NUBPL: variants seen among roughly 807,000 people sequenced by gnomAD.
NUBPL encodes iron-sulfur cluster transfer protein NUBPL.
NUBPL carries 31 observed loss-of-function variants against 45.7 expected under a neutral mutation model. The observed-to-expected ratio is 0.68, with a 90% CI of 0.51 to 0.92. NUBPL has a LOEUF of 0.92. Among genes scored for constraint, NUBPL ranks in the 40% least tolerant of loss-of-function variants. The pLI is 0.00. For missense variants in NUBPL, 401 were observed against 398.7 expected, an observed-to-expected ratio of 1.01 and a Z score of -0.05; for synonymous variants, 144 against 140.9, an observed-to-expected ratio of 1.02 and a Z score of -0.15.
intron 6 of NUBPL, among the ~76,000 whole-genome samples, chr14:31,782,580 C>T (rs1332326303): frequency 6.6e-6 from 1 of 152,154 alleles, no homozygotes; most frequent in Non-Finnish European, 1.5e-5. Context: ...CACCTGAGAT[C>T]AGGAGTTTGA....
chr14:31,571,490 C>T (rs1254400848), intron 3 of NUBPL, among the ~76,000 whole-genome samples: 6 of 151,716 alleles, frequency 4.0e-5, no homozygotes, highest in Non-Finnish European at 7.4e-5. Context: ...CACTCTGTTG[C>T]CCAGGCTGGA....
At chr14:31,684,221 A>G (rs1246468067) in intron 6 of NUBPL, among the ~76,000 whole-genome samples, 1 of 152,194 alleles carries the variant, frequency 6.6e-6, no homozygotes, top group African/African-American at 2.4e-5. Context: ...TTACCTCATC[A>G]TGGGGATTAA....
chr14:31,798,935 A>G (rs113829964), intron 7 of NUBPL, among the ~76,000 whole-genome samples: 1,639 of 151,636 alleles, frequency 0.011, 25 homozygotes, highest in African/African-American at 0.038. Flanking sequence ...ATCAAATAAG[A>G]TAATGAATGT....
intron 4 of NUBPL, among the ~76,000 whole-genome samples, chr14:31,629,662 A>G (rs2035292541): frequency 6.6e-6 from 1 of 152,218 alleles, no homozygotes; most frequent in Non-Finnish European, 1.5e-5. Context: ...AGATCAGAGA[A>G]TGACAAGACT....
intron 6 of NUBPL, among the ~76,000 whole-genome samples, chr14:31,722,847 A>G (rs1485525272): frequency 6.6e-6 from 1 of 152,146 alleles, no homozygotes; most frequent in African/African-American, 2.4e-5. Context: ...TCTTTGTCAC[A>G]TGCAGAGTTT....
chr14:31,826,586 T>G, intron 7 of NUBPL, 43 bp from the exon 8 acceptor site: 1 of 1,544,906 alleles, frequency 6.5e-7, no homozygotes, highest in Non-Finnish European at 9.0e-7. Context: ...AATTTCTCCA[T>G]AGAGAATTAA....
chr14:31,776,063 C>T (rs1411217383), intron 6 of NUBPL, among the ~76,000 whole-genome samples: 1 of 152,102 alleles, frequency 6.6e-6, no homozygotes, highest in Non-Finnish European at 1.5e-5. Flanking sequence ...TTTTCGTGTT[C>T]TAAGTAAATA....
chr14:31,677,768 C>T (rs1352363141), intron 6 of NUBPL, among the ~76,000 whole-genome samples: 2 of 152,234 alleles, frequency 1.3e-5, no homozygotes, highest in East Asian at 1.9e-4. Flanking sequence ...GAAGCCTGCA[C>T]AGCACTGGGT....
intron 6 of NUBPL, among the ~76,000 whole-genome samples, chr14:31,690,929 C>T (rs569189175): frequency 5.3e-5 from 8 of 152,170 alleles, no homozygotes; most frequent in Non-Finnish European, 1.0e-4. Flanking sequence ...TGACATTAGA[C>T]AACATGGCAT....
intron 6 of NUBPL, among the ~76,000 whole-genome samples, chr14:31,696,278 TTTG>T (rs2037213057): frequency 6.6e-6 from 1 of 152,224 alleles, no homozygotes; most frequent in Non-Finnish European, 1.5e-5. Context: ...TTCTGTCATC[TTTG>T]GAAGAGGAAG....
At chr14:31,671,773 G>A (rs552748848) in intron 4 of NUBPL, among the ~76,000 whole-genome samples, 2 of 152,260 alleles carry the variant, frequency 1.3e-5, no homozygotes, top group African/African-American at 4.8e-5. Context: ...GAAGGACCAC[G>A]GCTTTTTCTT....
intron 7 of NUBPL, among the ~76,000 whole-genome samples, chr14:31,810,499 G>C (rs12885816): frequency 0.41 from 61,727 of 151,758 alleles, 13,809 homozygotes; most frequent in East Asian, 0.61. Flanking sequence ...TTTATTTTGA[G>C]CCTATGTATG....
intron 6 of NUBPL, among the ~76,000 whole-genome samples, chr14:31,698,650 C>G (rs1001164549): frequency 1.3e-5 from 2 of 152,144 alleles, no homozygotes; most frequent in Non-Finnish European, 1.5e-5. Context: ...CGAAACCTGT[C>G]CTATAGATTC....
At chr14:31,774,147 T>C (rs2039058085) in intron 6 of NUBPL, among the ~76,000 whole-genome samples, 1 of 152,238 alleles carries the variant, frequency 6.6e-6, no homozygotes, top group Non-Finnish European at 1.5e-5. Context: ...TCTTCCCTGA[T>C]TCTGTGTGGC....
chr14:31,704,672 A>G (rs911346643), intron 6 of NUBPL, among the ~76,000 whole-genome samples: 4 of 152,116 alleles, frequency 2.6e-5, no homozygotes, highest in Non-Finnish European at 4.4e-5. Context: ...CTTAAAAAAA[A>G]AAAAGTGTAA....
chr14:31,564,335 T>A (rs2033378735), intron 2 of NUBPL, among the ~76,000 whole-genome samples: 1 of 152,126 alleles, frequency 6.6e-6, no homozygotes, highest in Non-Finnish European at 1.5e-5. Flanking sequence ...CAGCCTTTCA[T>A]ATACATGAGT....
chr14:31,769,781 AT>A (rs984620984), intron 6 of NUBPL, among the ~76,000 whole-genome samples: 4 of 150,810 alleles, frequency 2.7e-5, no homozygotes, highest in East Asian at 1.9e-4. Context: ...TAGTCATGGT[AT>A]TTTTTTTTCA....
intron 3 of NUBPL, 31 bp downstream of exon 3, chr14:31,565,079 A>AGGCCGGGCGCGG: frequency 7.4e-7 from 1 of 1,360,326 alleles, no homozygotes; most frequent in Non-Finnish European, 1.0e-6. Context: ...ATATTAATTT[A>AGGCCGGGCGCGG]TTAAAATGTT....
chr14:31,724,086 G>C (rs9989137), intron 6 of NUBPL, among the ~76,000 whole-genome samples: 14,374 of 152,126 alleles, frequency 0.094, 879 homozygotes, highest in African/African-American at 0.18. Flanking sequence ...TCTCACAAAT[G>C]GCTTTTATTA....
Sources: gnomAD v4.1 joint callset for allele counts (sites outside exome capture counted in the v4.1 genomes callset) on GRCh38, gnomAD v4.1.1 for gene constraint, MANE v1.5 for transcripts, NCBI Gene and HGNC (gene_info 2026-07-23, HGNC 2026-07-21) for gene names.